The following LRRIQ1 variants were observed in gnomAD, a reference collection of about 807,000 sequenced individuals.
LRRIQ1 encodes the protein leucine rich repeats and IQ motif containing 1, also known as leucine-rich repeat- and IQ domain-containing protein 1.
In LRRIQ1, 210 loss-of-function variants were observed where a neutral mutation model predicts 211.9. The ratio of observed to expected loss-of-function variants is 0.99; its 90% CI spans 0.89 to 1.11. The LOEUF is 1.11. Among genes scored for constraint, LRRIQ1 ranks in the 50% most tolerant of loss-of-function variants. The pLI is 0.00. For synonymous variants in LRRIQ1, 699 were observed against 650.1 expected (o/e 1.08, Z -1.14); for missense variants, 2,136 against 1,939.5 (o/e 1.10, Z -1.90).
intron 7 of LRRIQ1, among the ~76,000 whole-genome samples, chr12:85,053,103 G>T (rs188081990): frequency 4.6e-5 from 7 of 152,118 alleles, no homozygotes; most frequent in Admixed American, 4.6e-4. Context: ...TTAGTGAAAT[G>T]AGACAGTTCA....
At chr12:85,100,833 A>G (rs1886294986) in intron 13 of LRRIQ1, among the ~76,000 whole-genome samples, 1 of 151,772 alleles carries the variant, frequency 6.6e-6, no homozygotes, top group African/African-American at 2.4e-5. Context: ...ATAATCTTCA[A>G]CCTTAGAATA....
At chr12:85,245,890 G>A (rs187643357), downstream of LRRIQ1, among the ~76,000 whole-genome samples, 3 of 150,404 alleles carry the variant, frequency 2.0e-5, no homozygotes, top group African/African-American at 7.3e-5. Context: ...TATATATATA[G>A]AGAGAGAGAC....
At chr12:85,151,848 T>A (rs111534585) in intron 19 of LRRIQ1, among the ~76,000 whole-genome samples, 9 of 151,688 alleles carry the variant, frequency 5.9e-5, no homozygotes, top group Middle Eastern at 3.4e-3. Context: ...ATAAAAAAAA[T>A]TTAAGAAAAA....
At chr12:85,266,810 C>T (rs1896430558), downstream of LRRIQ1, among the ~76,000 whole-genome samples, 1 of 152,096 alleles carries the variant, frequency 6.6e-6, no homozygotes, top group Non-Finnish European at 1.5e-5. Flanking sequence ...CAATAACAAG[C>T]CAAGGTGCTA....
At chr12:85,051,222 T>C (rs1592700860) in intron 6 of LRRIQ1, among the ~76,000 whole-genome samples, 1 of 152,078 alleles carries the variant, frequency 6.6e-6, no homozygotes, top group East Asian at 1.9e-4. Context: ...TGTGACTCAC[T>C]GGCTTCATTT....
chr12:85,058,592 G>T (rs912228206), intron 8 of LRRIQ1, among the ~76,000 whole-genome samples: 9 of 151,978 alleles, frequency 5.9e-5, no homozygotes, highest in Non-Finnish European at 8.8e-5. Context: ...AGGAAGTTAA[G>T]ATGTGTGAGC....
At chr12:85,157,796 G>C (rs1471079051) in intron 23 of LRRIQ1, among the ~76,000 whole-genome samples, 1 of 151,734 alleles carries the variant, frequency 6.6e-6, no homozygotes, top group Non-Finnish European at 1.5e-5. Flanking sequence ...TTTTGGTGGA[G>C]ATTAGCTGGT....
intron 9 of LRRIQ1, among the ~76,000 whole-genome samples, chr12:85,065,827 A>G (rs1388318807): frequency 2.0e-5 from 3 of 151,990 alleles, no homozygotes; most frequent in Non-Finnish European, 4.4e-5. Context: ...CTAGAGCTAG[A>G]ATGTCCTAAA....
chr12:85,228,799 C>T (rs945620107), intron 24 of LRRIQ1, among the ~76,000 whole-genome samples: 1 of 152,080 alleles, frequency 6.6e-6, no homozygotes. Flanking sequence ...ACATCTATAA[C>T]AAAAGAATAT....
intron 24 of LRRIQ1, among the ~76,000 whole-genome samples, chr12:85,211,487 C>T (rs1165944335): frequency 6.6e-6 from 1 of 152,084 alleles, no homozygotes; most frequent in African/African-American, 2.4e-5. Context: ...TAAATTAGCA[C>T]AAACAAGCCT....
intron 24 of LRRIQ1, among the ~76,000 whole-genome samples, chr12:85,186,301 A>C (rs2061690118): frequency 6.6e-6 from 1 of 152,172 alleles, no homozygotes; most frequent in Non-Finnish European, 1.5e-5. Context: ...TTCAGATGAC[A>C]GTTCTTAAAG....
downstream of LRRIQ1, among the ~76,000 whole-genome samples, chr12:85,269,093 C>T (rs111466191): frequency 6.6e-6 from 1 of 151,866 alleles, no homozygotes; most frequent in Admixed American, 6.6e-5. Context: ...AATAATGTAT[C>T]CAGGTAATGG....
chr12:85,106,705 C>G, intron 15 of LRRIQ1, 90 bp downstream of exon 15: 1 of 822,458 alleles, frequency 1.2e-6, no homozygotes, highest in Non-Finnish European at 2.0e-6. Flanking sequence ...TAACAATTAC[C>G]TAGGATAAGT....
chr12:85,271,179 T>C, the LRRIQ1 span, among the ~76,000 whole-genome samples: 1 of 152,326 alleles, frequency 6.6e-6, no homozygotes, highest in East Asian at 1.9e-4. Flanking sequence ...TGTAAACTAT[T>C]GTGAGCATTA....
chr12:85,239,544 G>A (rs1451093488), intron 26 of LRRIQ1, among the ~76,000 whole-genome samples: 1 of 151,688 alleles, frequency 6.6e-6, no homozygotes, highest in East Asian at 1.9e-4. Flanking sequence ...TTCAAGGGGG[G>A]GAAAGATAAC....
chr12:85,263,324 T>C (rs1896349466), exon 2 of LRRIQ1: 1 of 152,406 alleles, frequency 6.6e-6, no homozygotes, highest in African/African-American at 2.4e-5. Context: ...CCAGTTTTTT[T>C]AGTTTTAATT....
rs961876296 is a variant in LRRIQ1 at position 85,090,309 on chromosome 12, G to A, written c.2888-8046G>A. 3.9e-5 allele frequency among the ~76,000 whole-genome samples: 6 copies of A among 152,132 alleles called. No homozygotes were observed. The South Asian group carries it at 8.3e-4, about 21-fold the overall frequency. ...AGGGGAAATGTGTGATTGGAGGCCC[G>A]ACACAGTCTCTACTGAGGCACTACC... On this transcript the variant is annotated intron_variant, in intron 11 of 26. Transcript: ENST00000393217.
chr12:85,100,516 A>G (rs1430101175), intron 13 of LRRIQ1, among the ~76,000 whole-genome samples: 3 of 151,706 alleles, frequency 2.0e-5, no homozygotes, highest in Non-Finnish European at 4.4e-5. Flanking sequence ...TTTGGGGGAT[A>G]AAAAAATGAG....
intron 24 of LRRIQ1, among the ~76,000 whole-genome samples, chr12:85,183,012 T>C (rs921115038): frequency 6.6e-5 from 10 of 152,208 alleles, no homozygotes; most frequent in Non-Finnish European, 5.9e-5. Flanking sequence ...GTGCACGCAC[T>C]CCAGCTTTGG....
Sources: allele counts gnomAD v4.1 joint callset (sites outside exome capture counted in the v4.1 genomes callset), GRCh38; gene constraint gnomAD v4.1.1; transcripts MANE v1.5; gene names NCBI Gene and HGNC (gene_info 2026-07-23, HGNC 2026-07-21).